PPM1L: variants seen among roughly 807,000 people sequenced by gnomAD.
PPM1L encodes protein phosphatase, Mg2+/Mn2+ dependent 1L.
PPM1L carries 13 observed loss-of-function variants against 31.4 expected under a neutral mutation model. The ratio of observed to expected loss-of-function variants is 0.41; its 90% CI spans 0.27 to 0.66. The LOEUF (loss-of-function observed/expected upper bound fraction) is 0.66. Ranked by LOEUF, PPM1L falls within the 30% of genes least tolerant of loss-of-function variation. The probability of loss-of-function intolerance (pLI) is 0.29; values close to 1 mark genes in which losing one functional copy is unlikely to be tolerated. For missense variants in PPM1L, 326 were observed against 453.7 expected (o/e 0.72, Z 2.56); for synonymous variants, 184 against 175.4 (o/e 1.05, Z -0.39).
chr3:160,913,560 A>G (rs930452254), intron 1 of PPM1L, among the ~76,000 whole-genome samples: 1 of 152,070 alleles, frequency 6.6e-6, no homozygotes, highest in Non-Finnish European at 1.5e-5. Context: ...GTTATTCTCT[A>G]CCCTGATCCT....
At chr3:160,804,167 C>T (rs1165750854) in intron 1 of PPM1L, among the ~76,000 whole-genome samples, 3 of 151,894 alleles carry the variant, frequency 2.0e-5, no homozygotes, top group Non-Finnish European at 4.4e-5. Context: ...CTCCTGATCT[C>T]GTGATCCGCC....
intron 2 of PPM1L, among the ~76,000 whole-genome samples, chr3:160,985,597 G>A (rs377578612): frequency 6.6e-6 from 1 of 152,090 alleles, no homozygotes; most frequent in African/African-American, 2.4e-5. Flanking sequence ...CAAGCAAGTG[G>A]TGATAAATAT....
At chr3:160,985,463 T>C (rs1181306733) in intron 2 of PPM1L, among the ~76,000 whole-genome samples, 3 of 152,232 alleles carry the variant, frequency 2.0e-5, no homozygotes, top group Admixed American at 2.0e-4. Context: ...AGTATTATAG[T>C]GAGGTTCAAA....
chr3:160,834,383 T>A (rs1475122812), intron 1 of PPM1L, among the ~76,000 whole-genome samples: 1 of 152,014 alleles, frequency 6.6e-6, no homozygotes, highest in African/African-American at 2.4e-5. Context: ...GATCAGATGG[T>A]TGTAGAAGTG....
chr3:160,799,807 G>T (rs1178475706), intron 1 of PPM1L, among the ~76,000 whole-genome samples: 1 of 152,070 alleles, frequency 6.6e-6, no homozygotes, highest in East Asian at 1.9e-4. Context: ...TATAAAATAG[G>T]ACTTGCCCTC....
At chr3:160,763,111 A>G (rs954963888) in intron 1 of PPM1L, among the ~76,000 whole-genome samples, 30 of 152,158 alleles carry the variant, frequency 2.0e-4, no homozygotes, top group Non-Finnish European at 1.6e-4. Context: ...GAGTTCCTCT[A>G]TCCTCCTCCC....
chr3:161,005,527 A>G (rs1717675450), intron 2 of PPM1L, among the ~76,000 whole-genome samples: 1 of 152,222 alleles, frequency 6.6e-6, no homozygotes. Flanking sequence ...GTACCACAGC[A>G]TAATGATTAA....
At chr3:161,037,343 A>G (rs1718772271) in intron 2 of PPM1L, among the ~76,000 whole-genome samples, 1 of 150,284 alleles carries the variant, frequency 6.7e-6, no homozygotes, top group South Asian at 2.1e-4. Flanking sequence ...AGAGACCTAC[A>G]TGGTGAGGAA....
At chr3:160,920,586 T>TTCTCTCTCTCTCTCTCTCTC (rs3063236) in intron 1 of PPM1L, among the ~76,000 whole-genome samples, 5 of 120,352 alleles carry the variant, frequency 4.2e-5, no homozygotes, top group South Asian at 2.7e-4. Flanking sequence ...TGCATTTAGT[T>TTCTCTCTCTCTCTCTCTCTC]TCTCTCTCTC....
At chr3:160,973,900 T>C (rs1716455558) in intron 2 of PPM1L, among the ~76,000 whole-genome samples, 1 of 151,246 alleles carries the variant, frequency 6.6e-6, no homozygotes, top group Admixed American at 6.6e-5. Context: ...CTTTAAGTTT[T>C]AGGGTACATG....
chr3:160,966,927 A>T (rs922602394), intron 2 of PPM1L, among the ~76,000 whole-genome samples: 2 of 152,080 alleles, frequency 1.3e-5, no homozygotes, highest in African/African-American at 4.8e-5. Flanking sequence ...TAAAAGCAGG[A>T]ATTATGTAAA....
chr3:160,856,922 T>C (rs999803024), intron 1 of PPM1L, among the ~76,000 whole-genome samples: 1 of 152,214 alleles, frequency 6.6e-6, no homozygotes, highest in African/African-American at 2.4e-5. Flanking sequence ...TCAGTTTTTG[T>C]AGTTGATTGT....
chr3:160,899,421 G>T (rs1380876624), intron 1 of PPM1L, among the ~76,000 whole-genome samples: 1 of 152,104 alleles, frequency 6.6e-6, no homozygotes, highest in Non-Finnish European at 1.5e-5. Context: ...GGAAGTACAG[G>T]GGTAAGGAAG....
chr3:160,872,841 C>T (rs573035589), intron 1 of PPM1L, among the ~76,000 whole-genome samples: 5 of 152,110 alleles, frequency 3.3e-5, no homozygotes, highest in South Asian at 2.1e-4. Context: ...ACAGGAGAAT[C>T]GCTTGAACCC....
chr3:160,817,968 A>G (rs1239043659), intron 1 of PPM1L, among the ~76,000 whole-genome samples: 1 of 152,044 alleles, frequency 6.6e-6, no homozygotes, highest in Non-Finnish European at 1.5e-5. Flanking sequence ...AAACCATGGA[A>G]TACAGTCTAT....
intron 1 of PPM1L, among the ~76,000 whole-genome samples, chr3:160,921,109 AC>A (rs1714387182): frequency 6.6e-6 from 1 of 152,194 alleles, no homozygotes; most frequent in African/African-American, 2.4e-5. Flanking sequence ...CCTGCTTTTC[AC>A]TATAGTATGT....
rs1719977026 is a variant in PPM1L, at chr3:161,072,928, C to G, written c.*3771C>G. 2 of 152,182 alleles carry G rather than the reference C, an allele frequency of 1.3e-5. No homozygotes were observed. The highest frequency in any genetic ancestry group is 2.9e-5 in the Non-Finnish European group (2 of 68,034). 9.4% of individuals were successfully genotyped at this position (152,182 alleles called of 1,614,324 possible). A position where few individuals can be genotyped will look rare whatever the true frequency, so the allele number is the denominator to read the frequency against. The stretch of plus-strand genomic sequence containing the variant: ...ATACCCTAATAGTTCCCCAAAATTG[C>G]CTTAGCATGTCACACCAGCATTTGT... On this transcript the variant is annotated 3_prime_UTR_variant, in exon 4 of 4. Transcript: ENST00000498165.
chr3:160,990,965 G>T (rs551697850), intron 2 of PPM1L, among the ~76,000 whole-genome samples: 1 of 152,034 alleles, frequency 6.6e-6, no homozygotes, highest in Non-Finnish European at 1.5e-5. Context: ...CCTCATTCAG[G>T]ATCACTGCTT....
chr3:160,858,851 G>T (rs1357745327), intron 1 of PPM1L, among the ~76,000 whole-genome samples: 5 of 152,120 alleles, frequency 3.3e-5, no homozygotes, highest in Non-Finnish European at 5.9e-5. Context: ...GTAGACACTT[G>T]TTTTTTCTGC....
Sources: allele counts gnomAD v4.1 joint callset (sites outside exome capture counted in the v4.1 genomes callset), GRCh38; gene constraint gnomAD v4.1.1; transcripts MANE v1.5; gene names NCBI Gene and HGNC (gene_info 2026-07-23, HGNC 2026-07-21).